ZNF717: variants seen among roughly 807,000 people sequenced by gnomAD.
The protein encoded by ZNF717 is zinc finger protein 717.
Under a neutral mutation model 13.8 loss-of-function variants are expected in ZNF717, and 9 were observed. The ratio of observed to expected loss-of-function variants is 0.65; its 90% CI spans 0.39 to 1.14. The LOEUF (loss-of-function observed/expected upper bound fraction) is 1.14. Ranked by LOEUF, ZNF717 falls within the 50% of genes most tolerant of loss-of-function variation. The pLI is 0.01. For synonymous variants in ZNF717, 327 were observed against 364.1 expected, an observed-to-expected ratio of 0.90 and a Z score of 1.16; for missense variants, 1,040 against 1,080.7, an observed-to-expected ratio of 0.96 and a Z score of 0.53.
At chr3:75,707,958 G>C (rs1446221259), downstream of ZNF717, among the ~76,000 whole-genome samples, 1 of 151,974 alleles carries the variant, frequency 6.6e-6, no homozygotes, top group South Asian at 2.1e-4. Context: ...CGGGAAGCTC[G>C]AACTGGATGG....
chr3:75,760,053 G>T (rs1054192465), intron 2 of ZNF717, among the ~76,000 whole-genome samples: 7 of 152,124 alleles, frequency 4.6e-5, no homozygotes, highest in African/African-American at 1.4e-4. Context: ...TTTTGAGACG[G>T]AGTCTCACTC....
At chr3:75,781,289 A>G (rs1050133508) in intron 2 of ZNF717, among the ~76,000 whole-genome samples, 16 of 152,256 alleles carry the variant, frequency 1.1e-4, no homozygotes, top group Non-Finnish European at 2.2e-4. Context: ...CAAACAAGGC[A>G]AATGCTGAGT....
chr3:75,739,717 T>C (rs1438472316), intron 4 of ZNF717, among the ~76,000 whole-genome samples: 22 of 152,346 alleles, frequency 1.4e-4, no homozygotes, highest in Middle Eastern at 3.4e-3. Context: ...GCTGTTTTAA[T>C]AGCTGCTATT....
downstream of ZNF717, among the ~76,000 whole-genome samples, chr3:75,731,017 G>T (rs1575731384): frequency 6.6e-6 from 1 of 152,170 alleles, no homozygotes; most frequent in Admixed American, 6.5e-5. Flanking sequence ...GAGGTGGGCA[G>T]ATCACCTGAA....
rs190844113 is a variant in ZNF717, at chr3:75,769,668, C to T, written c.57+13638G>A. Among the ~76,000 whole-genome samples, 115 of 152,260 alleles carry T rather than the reference C, an allele frequency of 7.6e-4. 1 individual carries two copies. The highest frequency in any genetic ancestry group is 1.2e-4 in the Non-Finnish European group (8 of 68,014). ...AGAATGGAGCATAGTTAATATTTTA[C>T]GTTAAAGCTAAAACTACAATTGCCT... On this transcript the variant is annotated intron_variant, in intron 2 of 4. Coordinates refer to ENST00000652011, the MANE Select transcript of ZNF717 (RefSeq NM_001290208.3).
chr3:75,772,930 T>A (rs1226634700), intron 2 of ZNF717, among the ~76,000 whole-genome samples: 1 of 152,172 alleles, frequency 6.6e-6, no homozygotes, highest in Admixed American at 6.5e-5. Context: ...GGATTTGTGT[T>A]TTGAGCTGAG....
intron 5 of ZNF717, among the ~76,000 whole-genome samples, chr3:75,715,787 A>G (rs77674784): frequency 6.6e-6 from 1 of 151,834 alleles, no homozygotes; most frequent in Non-Finnish European, 1.5e-5. Flanking sequence ...AACTTAGAAA[A>G]CTCTACATGT....
chr3:75,764,990 G>GATAT lies in ZNF717; in HGVS notation c.57+18312_57+18315dup, dbSNP rs71101852. Among the ~76,000 whole-genome samples the GATAT allele has an allele frequency of 7.5e-3, 764 of 101,952 alleles. 7 individuals are homozygous for GATAT. Among genetic ancestry groups the GATAT allele is most frequent in the South Asian group, 0.016 (36 of 2,306 alleles). The allele number at this position is 101,952 out of a possible 152,430, so 66.9% of individuals were successfully genotyped here. On this transcript the variant is annotated intron_variant, in intron 2 of 4. Coordinates refer to ENST00000652011, the MANE Select transcript of ZNF717 (RefSeq NM_001290208.3). ...CCAGGAATGGACGGATAAACAAAAG[G>GATAT]ATATATATATATATATATATATATA... is the stretch of plus-strand genomic sequence containing the variant.
chr3:75,704,959 G>C (rs1021913255), downstream of ZNF717, among the ~76,000 whole-genome samples: 5,436 of 120,806 alleles, frequency 0.045, no homozygotes, highest in Admixed American at 0.083. Flanking sequence ...TTGAAATGTG[G>C]TATTTAACAG....
At chr3:75,697,679 C>G in intron 6 of ZNF717, among the ~76,000 whole-genome samples, 1 of 151,320 alleles carries the variant, frequency 6.6e-6, no homozygotes, top group Admixed American at 6.6e-5. Flanking sequence ...TTATCCAGTC[C>G]CACTCTTATA....
At chr3:75,776,884 G>T (rs1260000455) in intron 2 of ZNF717, among the ~76,000 whole-genome samples, 1 of 152,112 alleles carries the variant, frequency 6.6e-6, no homozygotes, top group African/African-American at 2.4e-5. Context: ...ATAAAGATTT[G>T]GTTGTAGGGA....
chr3:75,739,526 A>G (rs112248370), intron 4 of ZNF717, among the ~76,000 whole-genome samples, 181 bp from the exon 5 acceptor site: 3,518 of 152,300 alleles, frequency 0.023, 142 homozygotes, highest in African/African-American at 0.079. Context: ...ATAAATCAGT[A>G]TATTTTCTAA....
intron 4 of ZNF717, among the ~76,000 whole-genome samples, chr3:75,724,720 G>A (rs1474113480): frequency 6.6e-6 from 1 of 152,196 alleles, no homozygotes; most frequent in African/African-American, 2.4e-5. Flanking sequence ...TAATAGAACT[G>A]CTACTATTGT....
intron 4 of ZNF717, among the ~76,000 whole-genome samples, chr3:75,724,272 C>T (rs1938231751): frequency 6.6e-6 from 1 of 152,042 alleles, no homozygotes; most frequent in Non-Finnish European, 1.5e-5. Flanking sequence ...GTCCCCCGGG[C>T]CCAAATGTCT....
intron 2 of ZNF717, among the ~76,000 whole-genome samples, chr3:75,779,568 G>C (rs1180348275): frequency 7.0e-6 from 1 of 143,380 alleles, no homozygotes; most frequent in African/African-American, 2.5e-5. Context: ...AAAACAACGG[G>C]AGTGACGTGC....
At chr3:75,766,660 C>G (rs75824274) in intron 2 of ZNF717, among the ~76,000 whole-genome samples, 2 of 148,842 alleles carry the variant, frequency 1.3e-5, no homozygotes, top group African/African-American at 4.9e-5. Flanking sequence ...AGGGAAAATA[C>G]AGATCTAAAT....
At chr3:75,765,982 A>G (rs1441448649) in intron 2 of ZNF717, among the ~76,000 whole-genome samples, 1 of 152,090 alleles carries the variant, frequency 6.6e-6, no homozygotes, top group African/African-American at 2.4e-5. Context: ...GGTGCCATGC[A>G]CCTGTAGTCC....
intron 2 of ZNF717, among the ~76,000 whole-genome samples, chr3:75,774,057 A>AAAT (rs1164996430): frequency 6.6e-6 from 1 of 152,220 alleles, no homozygotes; most frequent in East Asian, 1.9e-4. Context: ...TCTCAAAAAA[A>AAAT]AATAATAATA....
chr3:75,734,829 T>A (rs1254579501), downstream of ZNF717, among the ~76,000 whole-genome samples: 3 of 111,354 alleles, frequency 2.7e-5, no homozygotes, highest in African/African-American at 1.0e-4. Context: ...TTTTTTTTTT[T>A]TTTTTTTTTT....
Sources: allele counts gnomAD v4.1 joint callset (sites outside exome capture counted in the v4.1 genomes callset), GRCh38; gene constraint gnomAD v4.1.1; transcripts MANE v1.5; gene names NCBI Gene and HGNC (gene_info 2026-07-23, HGNC 2026-07-21).